The following CLTCL1 variants were observed in gnomAD, a reference collection of about 807,000 sequenced individuals.
The protein encoded by CLTCL1 is clathrin heavy chain 2.
CLTCL1 carries 159 observed loss-of-function variants against 190.0 expected under a neutral mutation model. The observed-to-expected ratio is 0.84, with a 90% CI of 0.74 to 0.95. The LOEUF is 0.95. CLTCL1 is among the 40% of genes least tolerant of loss of function. CLTCL1 has a pLI of 0.00. For missense variants in CLTCL1, 1,878 were observed against 2,033.4 expected (o/e 0.92, Z 1.47); for synonymous variants, 752 against 769.6 (o/e 0.98, Z 0.38).
chr22:19,274,699 C>A (rs2087436224), intron 2 of CLTCL1, among the ~76,000 whole-genome samples: 1 of 151,328 alleles, frequency 6.6e-6, no homozygotes. Context: ...CAAATTTTAC[C>A]TCCAGAAACA....
At chr22:19,227,967 A>G (rs2085804344) in intron 11 of CLTCL1, among the ~76,000 whole-genome samples, 3 of 152,180 alleles carry the variant, frequency 2.0e-5, no homozygotes, top group Admixed American at 6.5e-5. Context: ...AGCATGGCTG[A>G]GTGAGTGCTC....
intron 1 of CLTCL1, among the ~76,000 whole-genome samples, chr22:19,287,252 A>G (rs1398714901): frequency 3.9e-5 from 6 of 152,192 alleles, no homozygotes; most frequent in African/African-American, 1.2e-4. Context: ...ATGAACAGCT[A>G]CAGTACCCTG....
intron 14 of CLTCL1, 97 bp from the exon 15 acceptor site, chr22:19,222,906 G>A: frequency 3.5e-6 from 5 of 1,431,714 alleles, no homozygotes; most frequent in Non-Finnish European, 4.7e-6. Context: ...TGTCTCTGCA[G>A]CAGAGTGACA....
chr22:19,253,389 C>G (rs1198633715), intron 3 of CLTCL1, among the ~76,000 whole-genome samples: 1 of 152,152 alleles, frequency 6.6e-6, no homozygotes, highest in Non-Finnish European at 1.5e-5. Context: ...ACATCGGGGC[C>G]CTTTGACCCC....
intron 2 of CLTCL1, chr22:19,257,608 TC>T (rs2086802362): frequency 2.4e-6 from 1 of 408,750 alleles, no homozygotes; most frequent in Non-Finnish European, 4.7e-6. Flanking sequence ...ACCCGGTTGA[TC>T]AGCAGTCCAG....
chr22:19,180,381 C>G, intron 31 of CLTCL1, 143 bp from the exon 32 acceptor site: 1 of 910,778 alleles, frequency 1.1e-6, no homozygotes, highest in East Asian at 2.6e-5. Context: ...CCTCTCCAGT[C>G]TGCTCGACAG....
chr22:19,241,488 T>A (rs2086252517), intron 4 of CLTCL1, among the ~76,000 whole-genome samples: 1 of 152,236 alleles, frequency 6.6e-6, no homozygotes, highest in Non-Finnish European at 1.5e-5. Flanking sequence ...GCATGAAGTA[T>A]GTTACTCAAC....
At chr22:19,288,985 A>G (rs1056270825) in intron 1 of CLTCL1, among the ~76,000 whole-genome samples, 1 of 152,230 alleles carries the variant, frequency 6.6e-6, no homozygotes, top group African/African-American at 2.4e-5. Context: ...CACCTAGCTC[A>G]TCGCATCTTA....
intron 5 of CLTCL1, chr22:19,238,598 G>T (rs1378765311): frequency 1.9e-5 from 4 of 209,352 alleles, no homozygotes; most frequent in African/African-American, 7.0e-5. Context: ...AGAACTTCAG[G>T]TCTCATAGCA....
intron 13 of CLTCL1, among the ~76,000 whole-genome samples, chr22:19,225,242 T>G (rs544078124): frequency 8.3e-4 from 126 of 152,308 alleles, no homozygotes; most frequent in Non-Finnish European, 1.1e-3. Flanking sequence ...ACCTGATTTC[T>G]TCCTTTGGAA....
Position 19,228,987 on chromosome 22 carries a change from G to T in CLTCL1, c.1782+851C>A, listed in dbSNP as rs116010273. ...TGGAACAGCTGAGCATTGCTGGGAA[G>T]AATATAAAATGGTACAGCCTCCTGG... On this transcript the variant is annotated intron_variant, in intron 11 of 32. Coordinates refer to ENST00000427926, the MANE Select transcript of CLTCL1 (RefSeq NM_007098.4). Among the ~76,000 whole-genome samples the T allele has an allele frequency of 5.9e-3, 903 of 152,318 alleles. 7 individuals carry two copies. The highest frequency in any genetic ancestry group is 0.021 in the African/African-American group (865 of 41,570).
rs571169359 is a variant in CLTCL1, at chr22:19,284,941, C to A, written c.42+6659G>T. ...CTGCACTCCAGCCTGGTGGACAGAG[C>A]GAGACTCTGTCTCAAGAAAATAAAA... On this transcript the variant is annotated intron_variant, in intron 1 of 32. Coordinates refer to ENST00000427926, the MANE Select transcript of CLTCL1 (RefSeq NM_007098.4). Among the ~76,000 whole-genome samples, 11 of 151,520 alleles carry A rather than the reference C, an allele frequency of 7.3e-5. No homozygotes were observed. The South Asian group carries it at 2.3e-3, about 32-fold the overall frequency.
intron 1 of CLTCL1, 106 bp from the exon 2 acceptor site, chr22:19,275,936 CATTAGGTAAACACTTGAAGG>C: frequency 2.5e-6 from 2 of 804,182 alleles, no homozygotes; most frequent in African/African-American, 3.9e-5. Flanking sequence ...AAAAAGTTAA[CATTAGGTAAACACTTGAAGG>C]AAACATTAGC....
At position 19,221,419 on chromosome 22, in the gene CLTCL1, A is replaced by G. The variant is rs782639441; in HGVS notation, c.2754T>C (p.Cys918=). The change falls in exon 17 of 33, where the codon TGT becomes TGC. Residue 918 remains cysteine, a synonymous_variant. Coordinates refer to ENST00000427926, the MANE Select transcript of CLTCL1 (RefSeq NM_007098.4). ...CACACTGCCCCCGCTCATAGGCAAC[A>G]CAGGCCAGATGGGGGTCTCGCTTCT... ...YCEKRDPHLA[C]VAYERGQCDL... 4 of 1,560,272 alleles carry G rather than the reference A, an allele frequency of 2.6e-6. No individual in the cohort carries two copies. The African/African-American group carries it at 4.1e-5, about 16-fold the overall frequency.
At chr22:19,249,955 G>A (rs1227562349) in intron 3 of CLTCL1, 3 of 421,192 alleles carry the variant, frequency 7.1e-6, no homozygotes, top group African/African-American at 2.1e-5. Flanking sequence ...ATTATTAAAG[G>A]TGAATACAAA....
In CLTCL1 at chr22:19,246,234, G is replaced by A. The variant is rs187236943; in HGVS notation, c.520-3298C>T. ...GCCACCATGCCCGGCTAGTTTTTTT[G>A]TATTTTTAGTAGAGACAGGGTTTCA... On this transcript the variant is annotated intron_variant, in intron 3 of 32. Transcript: ENST00000427926. 3.0e-4 allele frequency among the ~76,000 whole-genome samples: 45 copies of A among 151,298 alleles called. No individual in the cohort carries two copies. In the East Asian group the frequency reaches 6.7e-3, roughly 23 times the overall value.
In CLTCL1 at chr22:19,210,309, T is replaced by TAC. The variant is rs782145082; in HGVS notation, c.3249+15_3249+16dup. ...CAGAAGGTGCTAGGTCCGACATGCT[T>TAC]ACACTCAGCAGCCCACCTGGATTGC... On this transcript the variant is annotated intron_variant, in intron 20 of 32. Coordinates refer to ENST00000427926, the MANE Select transcript of CLTCL1 (RefSeq NM_007098.4). 1 of 1,611,776 alleles carries TAC rather than the reference T, an allele frequency of 6.2e-7. No homozygotes were observed. The highest frequency in any genetic ancestry group is 1.3e-5 in the African/African-American group (1 of 75,042).
chr22:19,195,858 A>G lies in CLTCL1; in HGVS notation c.4191+408T>C, dbSNP rs534297607. On this transcript the variant is annotated intron_variant, in intron 26 of 32. Coordinates refer to ENST00000427926, the MANE Select transcript of CLTCL1 (RefSeq NM_007098.4). Reference sequence around the variant, plus strand: ...CTGGTGCTGGGGAGAGACATGAACTAAAAAAAAAAAAGGTCCGATGGTGAA... The same window carrying G: ...CTGGTGCTGGGGAGAGACATGAACTGAAAAAAAAAAAGGTCCGATGGTGAA... 3.6e-3 allele frequency among the ~76,000 whole-genome samples: 519 copies of G among 144,542 alleles called. 3 individuals carry two copies. The highest frequency in any genetic ancestry group is 0.012 in the African/African-American group (486 of 39,758). 94.8% of individuals were successfully genotyped at this position (144,542 alleles called of 152,430 possible).
At chr22:19,289,491 G>T (rs1601757823) in intron 1 of CLTCL1, among the ~76,000 whole-genome samples, 1 of 152,326 alleles carries the variant, frequency 6.6e-6, no homozygotes, top group East Asian at 1.9e-4. Context: ...AAGCCAGACT[G>T]CAGGTTACTG....
Sources: gnomAD v4.1 joint callset for allele counts (sites outside exome capture counted in the v4.1 genomes callset) on GRCh38, gnomAD v4.1.1 for gene constraint, MANE v1.5 for transcripts, NCBI Gene and HGNC (gene_info 2026-07-23, HGNC 2026-07-21) for gene names.